Variants in NR2F1-AS1 observed in about 807,000 individuals in gnomAD.
NR2F1-AS1 encodes the protein NR2F1 antisense RNA 1.
chr5:93,524,215 A>G (rs1040051824), intron 4 of NR2F1-AS1, among the ~76,000 whole-genome samples: 4 of 151,980 alleles, frequency 2.6e-5, no homozygotes, highest in Non-Finnish European at 4.4e-5. Flanking sequence ...AGCATACACA[A>G]GCATCAAAAG....
intron 1 of NR2F1-AS1, among the ~76,000 whole-genome samples, chr5:93,577,562 T>C (rs1752924294): frequency 6.6e-6 from 1 of 152,250 alleles, no homozygotes; most frequent in South Asian, 2.1e-4. Flanking sequence ...TTGTTTGTTT[T>C]GGTTTTGTGT....
At chr5:93,470,614 TCTC>T (rs974963144) in intron 4 of NR2F1-AS1, among the ~76,000 whole-genome samples, 4 of 151,798 alleles carry the variant, frequency 2.6e-5, no homozygotes, top group African/African-American at 7.2e-5. Flanking sequence ...AAAATTCTAA[TCTC>T]CTATCATGTT....
At chr5:93,513,874 T>G (rs1751349929) in intron 4 of NR2F1-AS1, among the ~76,000 whole-genome samples, 1 of 152,082 alleles carries the variant, frequency 6.6e-6, no homozygotes, top group Non-Finnish European at 1.5e-5. Flanking sequence ...AAGGCAATAT[T>G]TTTCTTACTA....
At chr5:93,566,750 T>C (rs1211051132) in intron 1 of NR2F1-AS1, among the ~76,000 whole-genome samples, 2 of 152,126 alleles carry the variant, frequency 1.3e-5, no homozygotes, top group East Asian at 3.9e-4. Flanking sequence ...TAATAACATA[T>C]TGTAAGGAAA....
At chr5:93,561,705 C>G (rs1035520817) in intron 2 of NR2F1-AS1, among the ~76,000 whole-genome samples, 3 of 151,686 alleles carry the variant, frequency 2.0e-5, no homozygotes, top group African/African-American at 7.3e-5. Flanking sequence ...CCCAAGAGGT[C>G]AAGGCTGCAG....
chr5:93,477,313 A>G (rs1438919301), intron 4 of NR2F1-AS1, among the ~76,000 whole-genome samples: 1 of 152,190 alleles, frequency 6.6e-6, no homozygotes, highest in Non-Finnish European at 1.5e-5. Flanking sequence ...TTAACATCAC[A>G]TGGAGAACAA....
chr5:93,451,499 C>T (rs918275735), intron 4 of NR2F1-AS1, among the ~76,000 whole-genome samples: 3 of 152,004 alleles, frequency 2.0e-5, no homozygotes, highest in African/African-American at 7.2e-5. Context: ...ACCTCCTGGG[C>T]TCAAGTGATC....
chr5:93,433,614 A>G (rs1749372592), intron 4 of NR2F1-AS1, among the ~76,000 whole-genome samples: 3 of 152,344 alleles, frequency 2.0e-5, no homozygotes, highest in South Asian at 2.1e-4. Flanking sequence ...TATGTAGCAC[A>G]TGACTGTATA....
chr5:93,453,054 A>G (rs982472848), intron 4 of NR2F1-AS1, among the ~76,000 whole-genome samples: 7 of 152,184 alleles, frequency 4.6e-5, no homozygotes, highest in African/African-American at 1.7e-4. Flanking sequence ...AGAAAAGGAC[A>G]CTAAAACAAC....
chr5:93,483,716 G>A (rs565700239), intron 4 of NR2F1-AS1, among the ~76,000 whole-genome samples: 1 of 152,128 alleles, frequency 6.6e-6, no homozygotes, highest in Non-Finnish European at 1.5e-5. Flanking sequence ...AAGGTTAGAC[G>A]AATTGCTAAC....
chr5:93,446,790 T>C (rs968528036), intron 4 of NR2F1-AS1, among the ~76,000 whole-genome samples: 2 of 152,162 alleles, frequency 1.3e-5, no homozygotes, highest in Non-Finnish European at 2.9e-5. Flanking sequence ...TCACGCTACC[T>C]GACTTCAAAC....
intron 4 of NR2F1-AS1, among the ~76,000 whole-genome samples, chr5:93,415,030 T>A (rs1247352480): frequency 6.6e-6 from 1 of 152,166 alleles, no homozygotes; most frequent in Non-Finnish European, 1.5e-5. Context: ...CAGATAGAAG[T>A]TTACATCTCC....
chr5:93,524,835 C>T (rs1751577337), intron 4 of NR2F1-AS1, among the ~76,000 whole-genome samples: 1 of 152,142 alleles, frequency 6.6e-6, no homozygotes, highest in South Asian at 2.1e-4. Flanking sequence ...CCAGGCCGGC[C>T]TTACAAGAGC....
chr5:93,562,704 T>C (rs184742926), intron 2 of NR2F1-AS1, among the ~76,000 whole-genome samples: 9 of 152,322 alleles, frequency 5.9e-5, no homozygotes, highest in Admixed American at 5.9e-4. Context: ...CATGAATACA[T>C]TATATTAAGA....
At chr5:93,478,677 T>G (rs949626380) in intron 4 of NR2F1-AS1, among the ~76,000 whole-genome samples, 1 of 152,172 alleles carries the variant, frequency 6.6e-6, no homozygotes, top group South Asian at 2.1e-4. Context: ...GCTGGAATTA[T>G]AGGTGTGAGC....
intron 4 of NR2F1-AS1, chr5:93,410,943 G>A (rs1210674798): frequency 6.6e-6 from 1 of 152,150 alleles, no homozygotes; most frequent in Non-Finnish European, 1.5e-5. Context: ...GGATTAAAAT[G>A]TCCTGAGTTG....
chr5:93,544,519 T>C (rs1382402862), intron 4 of NR2F1-AS1, among the ~76,000 whole-genome samples: 2 of 152,310 alleles, frequency 1.3e-5, no homozygotes, highest in Admixed American at 1.3e-4. Context: ...CAGCATACTC[T>C]GAAGAATTTC....
At chr5:93,497,955 G>T (rs572988756) in intron 4 of NR2F1-AS1, among the ~76,000 whole-genome samples, 1 of 152,058 alleles carries the variant, frequency 6.6e-6, no homozygotes, top group South Asian at 2.1e-4. Flanking sequence ...CACATATACC[G>T]TTTTGGCACT....
At chr5:93,557,292 GA>G (rs1296058161) in intron 2 of NR2F1-AS1, among the ~76,000 whole-genome samples, 1 of 152,136 alleles carries the variant, frequency 6.6e-6, no homozygotes, top group African/African-American at 2.4e-5. Flanking sequence ...GTTACTTGAT[GA>G]GCAATAATAT....
Sources: allele counts gnomAD v4.1 joint callset (sites outside exome capture counted in the v4.1 genomes callset), GRCh38; gene constraint gnomAD v4.1.1; transcripts MANE v1.5; gene names NCBI Gene and HGNC (gene_info 2026-07-23, HGNC 2026-07-21).